The following HECTD4 variants were observed in gnomAD, a reference collection of about 807,000 sequenced individuals.
HECTD4 encodes HECT domain E3 ubiquitin protein ligase 4, also known as probable E3 ubiquitin-protein ligase HECTD4.
In HECTD4, 114 loss-of-function variants were observed where a neutral mutation model predicts 471.5. The observed-to-expected ratio is 0.24, with a 90% CI of 0.21 to 0.28. HECTD4 has a LOEUF of 0.28. Among genes scored for constraint, HECTD4 ranks in the 10% least tolerant of loss-of-function variants. The probability of loss-of-function intolerance (pLI) is 1.00; values close to 1 mark genes in which losing one functional copy is unlikely to be tolerated. For synonymous variants in HECTD4, 2,012 were observed against 2,256.0 expected, an observed-to-expected ratio of 0.89 and a Z score of 3.07; for missense variants, 3,866 against 5,651.5, an observed-to-expected ratio of 0.68 and a Z score of 10.13.
intron 67 of HECTD4, among the ~76,000 whole-genome samples, chr12:112,171,670 C>G (rs912249672): frequency 1.8e-4 from 27 of 152,214 alleles, no homozygotes; most frequent in African/African-American, 6.3e-4. Context: ...GGAAACTGTG[C>G]CACTGGCACA....
At chr12:112,220,405 T>C (rs1278971743) in intron 44 of HECTD4, among the ~76,000 whole-genome samples, 1 of 151,754 alleles carries the variant, frequency 6.6e-6, no homozygotes, top group East Asian at 1.9e-4. Context: ...GGCTGCAGTA[T>C]GTGATTATGT....
Position 112,239,068 on chromosome 12 carries a change from C to T in HECTD4, c.5274G>A (p.Glu1758=). Residue 1758 remains glutamate (E), a synonymous_variant, in exon 34 of 76, where the codon GAG becomes GAA. Coordinates refer to ENST00000682272, the MANE Select transcript of HECTD4 (RefSeq NM_001388303.1). The surrounding 1 kb of genome is among the most constrained non-coding windows in gnomAD (Gnocchi z 4.9). ...GCATCTCACCTTCCTCTTTTTCCCACTCAACACAGCGGTTGGCAAGCACCT... is the reference window on the plus strand; with the variant it reads ...GCATCTCACCTTCCTCTTTTTCCCATTCAACACAGCGGTTGGCAAGCACCT... The part of the protein sequence containing the change: ...AFQVLANRCV[E]WEKEEGGSTE... 1 of 1,611,680 alleles carries T rather than the reference C, an allele frequency of 6.2e-7. No homozygotes were observed.
Position 112,270,394 on chromosome 12 carries a change from G to A in HECTD4, c.2008C>T (p.His670Tyr), listed in dbSNP as rs2034389886. The A allele has an allele frequency of 6.2e-7, 1 of 1,614,000 alleles. No homozygotes were observed. The highest frequency in any genetic ancestry group is 2.2e-5 in the East Asian group (1 of 44,886). The stretch of plus-strand genomic sequence containing the variant: ...TTGGTGGCAAGAAGATTGAGTTGGT[G>A]TATGCACATCGCACCAACGTGGTGC... ...LLHHVGAMCI[H>Y]QLNLLATNPN... The change falls in exon 12 of 76, where the codon CAC (histidine) becomes TAC (tyrosine). Residue 670 changes from histidine (H) to tyrosine (Y), a missense_variant. Physicochemically the swap from His to Tyr is moderately conservative, Grantham distance 83 (BLOSUM62 2). This residue lies in a region of HECTD4 where 525 missense variants were observed against 672.6 expected (regional missense o/e 0.78). Transcript: ENST00000682272.
chr12:112,209,021 C>T (rs2032679629), intron 50 of HECTD4, among the ~76,000 whole-genome samples: 1 of 150,492 alleles, frequency 6.6e-6, no homozygotes, highest in Admixed American at 6.6e-5. Context: ...CCACCTCAAC[C>T]TCCTGAGTGG....
chr12:112,183,270 T>A lies in HECTD4; in HGVS notation c.10780-4A>T. 6.2e-7 allele frequency: 1 copy of A among 1,611,332 alleles called. No homozygotes were observed. Among genetic ancestry groups the A allele is most frequent in the Non-Finnish European group, 8.5e-7 (1 of 1,178,222 alleles). ...CAATTTTGGCTCGGGATCTTATCTG[T>A]GTGAACAGAGAACAGGGTCAGGATT... On this transcript the variant is annotated splice_polypyrimidine_tract_variant and splice_region_variant and intron_variant, in intron 61 of 75. Coordinates refer to ENST00000682272, the MANE Select transcript of HECTD4 (RefSeq NM_001388303.1).
chr12:112,338,119 C>CT lies in HECTD4; in HGVS notation c.178-18378dup, dbSNP rs756192679. Among the ~76,000 whole-genome samples the CT allele has an allele frequency of 1.6e-4, 25 of 152,250 alleles. No homozygotes were observed. The East Asian group carries it at 4.4e-3, about 27-fold the overall frequency. On this transcript the variant is annotated intron_variant, in intron 1 of 75. Coordinates refer to ENST00000682272, the MANE Select transcript of HECTD4 (RefSeq NM_001388303.1). ...CAGGGCTGCACTCCCTCCAGGGGCT[C>CT]TAGTAAAGAATCGGTTTCTTGCTTC...
rs577572638 is a variant in HECTD4, at chr12:112,237,440, C to T, written c.5291-342G>A. Among the ~76,000 whole-genome samples the T allele has an allele frequency of 2.0e-5, 3 of 152,276 alleles. No homozygotes were observed. The South Asian group carries it at 6.2e-4, about 32-fold the overall frequency. On this transcript the variant is annotated intron_variant, in intron 34 of 75. Transcript: ENST00000682272. ...TACTTTCCCAAACACAATAAAAGAC[C>T]TTTCTGGATTCTTCCATGTTTACCA...
At chr12:112,247,156 A>C (rs1250789602) in intron 28 of HECTD4, 80 bp from the exon 29 acceptor site, 1 of 1,181,460 alleles carries the variant, frequency 8.5e-7, no homozygotes, top group Non-Finnish European at 1.2e-6. Context: ...TTTACAAAGA[A>C]TAAGAGAAGA....
chr12:112,212,338 C>T (rs559808832), intron 49 of HECTD4, 149 bp downstream of exon 49: 24 of 650,778 alleles, frequency 3.7e-5, no homozygotes, highest in African/African-American at 5.4e-5. Context: ...AAGACACACA[C>T]TTGCTCAAGC....
At chr12:112,224,205 T>C (rs975575632) in intron 44 of HECTD4, among the ~76,000 whole-genome samples, 1 of 152,160 alleles carries the variant, frequency 6.6e-6, no homozygotes, top group Non-Finnish European at 1.5e-5. Context: ...TCAGTAAACT[T>C]TGCCATTTAC....
Position 112,246,929 on chromosome 12 carries a change from G to T in HECTD4, c.4485C>A (p.Ser1495Arg), listed in dbSNP as rs1434576861. 1.9e-6 allele frequency: 3 copies of T among 1,612,152 alleles called. No individual in the cohort carries two copies. The highest frequency in any genetic ancestry group is 2.5e-6 in the Non-Finnish European group (3 of 1,179,818). ...GTGTTTCAGCAGGGGTCCCAGAGAT[G>T]CTTCTCGTGAGGCCCGACTGGGCTG... Reference protein sequence around the residue: ...TIAAQSGLTRSISGTPAETPA... With the variant: ...TIAAQSGLTRRISGTPAETPA... The change falls in exon 29 of 76, where the codon AGC (serine) becomes AGA (arginine). Residue 1495 changes from serine (S) to arginine (R), a missense_variant. Ser to Arg is a moderately radical substitution (Grantham distance 110). Coordinates refer to ENST00000682272, the MANE Select transcript of HECTD4 (RefSeq NM_001388303.1).
chr12:112,304,562 G>A (rs2035235457), intron 7 of HECTD4, among the ~76,000 whole-genome samples: 2 of 151,898 alleles, frequency 1.3e-5, no homozygotes, highest in African/African-American at 2.4e-5. Context: ...CTGGGCTCAA[G>A]AGATCCTCCC....
At position 112,229,798 on chromosome 12, in the gene HECTD4, C is replaced by T. The variant is rs1418805935; in HGVS notation, c.6419G>A (p.Arg2140Lys). ...SILENGSSSG[R>K]KLAKLQRIAR... is the part of the protein sequence containing the mutation. ...AATTCTCTGAAGTTTGGCAAGTTTCCTGCCACTGCTGCTGCCATTTTCCAG... is the reference window on the plus strand; with the variant it reads ...AATTCTCTGAAGTTTGGCAAGTTTCTTGCCACTGCTGCTGCCATTTTCCAG... The change falls in exon 41 of 76, where the codon AGG (arginine) becomes AAG (lysine). Residue 2140 changes from arginine to lysine, a missense_variant. This residue lies in a region of HECTD4 where 617 missense variants were observed against 915.1 expected (regional missense o/e 0.67). Coordinates refer to ENST00000682272, the MANE Select transcript of HECTD4 (RefSeq NM_001388303.1). 1.2e-6 allele frequency: 2 copies of T among 1,613,904 alleles called. No individual in the cohort carries two copies. The highest frequency in any genetic ancestry group is 1.3e-5 in the African/African-American group (1 of 74,942).
In HECTD4 at chr12:112,163,393, AGATGACAAT is replaced by A. The variant is rs2030781616; in HGVS notation, c.12898-138_12898-130del. On this transcript the variant is annotated intron_variant, in intron 74 of 75. Transcript: ENST00000682272. The surrounding 1 kb of genome is among the most constrained non-coding windows in gnomAD (Gnocchi z 8.2). ...CAACGTGTGGGCTGTGAGCACAGGG[AGATGACAAT>A]GATGACAATGATACAGGTCTGTGGC... is the stretch of plus-strand genomic sequence containing the variant. The A allele has an allele frequency of 5.7e-6, 6 of 1,058,804 alleles. No homozygotes were observed. The highest frequency in any genetic ancestry group is 6.8e-6 in the Non-Finnish European group (5 of 736,940). 65.6% of individuals were successfully genotyped at this position (1,058,804 alleles called of 1,614,324 possible).
chr12:112,235,514 A>G lies in HECTD4; in HGVS notation c.5715T>C (p.Tyr1905=). ...ASLLLAKLAD[Y]VVPGCQTVLS... is the part of the protein sequence containing the mutation. ...TGAGGAGCTTCTCACCTGGAACCAC[A>G]TAATCTGCCAGCTTTGCTAAGAGCA... Residue 1905 remains tyrosine, a synonymous_variant, in exon 36 of 76, where the codon TAT becomes TAC. Transcript: ENST00000682272. This position sits in a 1 kb window ranked among gnomAD's most constrained non-coding sequence, Gnocchi z 5.0. The G allele has an allele frequency of 6.2e-7, 1 of 1,610,528 alleles. No homozygotes were observed. The highest frequency in any genetic ancestry group is 2.2e-5 in the East Asian group (1 of 44,832).
In HECTD4 at chr12:112,314,631, TG is replaced by T; in HGVS notation, c.696-86del. On this transcript the variant is annotated intron_variant, in intron 2 of 75. Transcript: ENST00000682272. ...ATTAATGCTAATTTAATTAACCACA[TG>T]GAAAAGTTCCAAAATGTGTCTCTCT... 7.6e-6 allele frequency: 6 copies of T among 789,708 alleles called. No homozygotes were observed. In the Middle Eastern group the frequency reaches 7.6e-4, roughly 100 times the overall value. The allele number at this position is 789,708 out of a possible 1,614,324, so 48.9% of individuals were successfully genotyped here. A position where few individuals can be genotyped will look rare whatever the true frequency, so the allele number is the denominator to read the frequency against.
chr12:112,338,345 C>T (rs1594056978), intron 1 of HECTD4, among the ~76,000 whole-genome samples: 1 of 152,180 alleles, frequency 6.6e-6, no homozygotes, highest in African/African-American at 2.4e-5. Flanking sequence ...TACCTGAGGC[C>T]GGGCACAGTG....
intron 9 of HECTD4, 75 bp from the exon 10 acceptor site, chr12:112,275,035 A>T: frequency 1.1e-6 from 1 of 889,728 alleles, no homozygotes; most frequent in Admixed American, 2.5e-5. Flanking sequence ...GCTTTTAACA[A>T]GACTTTTATA....
chr12:112,296,487 G>T (rs1051286317), intron 7 of HECTD4, among the ~76,000 whole-genome samples: 2 of 149,038 alleles, frequency 1.3e-5, no homozygotes, highest in Admixed American at 6.7e-5. Flanking sequence ...GGCACACAAG[G>T]TGTAGGTGCA....
Sources: allele counts gnomAD v4.1 joint callset (sites outside exome capture counted in the v4.1 genomes callset), GRCh38; gene constraint gnomAD v4.1.1; regional missense constraint gnomAD v4.1.1; non-coding constraint Gnocchi (gnomAD v3.1); transcripts MANE v1.5; gene names NCBI Gene and HGNC (gene_info 2026-07-23, HGNC 2026-07-21).